Variants in CACNA1C observed in about 807,000 individuals in gnomAD.
CACNA1C encodes the protein voltage-dependent L-type calcium channel subunit alpha-1C.
In CACNA1C, 30 loss-of-function variants were observed where a neutral mutation model predicts 229.0. The ratio of observed to expected loss-of-function variants is 0.13; its 90% CI spans 0.10 to 0.18. The LOEUF is 0.18. CACNA1C is among the 10% of genes least tolerant of loss of function. CACNA1C has a pLI of 1.00. For synonymous variants in CACNA1C, 1,114 were observed against 1,132.5 expected, an observed-to-expected ratio of 0.98 and a Z score of 0.33; for missense variants, 1,658 against 2,845.0, an observed-to-expected ratio of 0.58 and a Z score of 9.49.
intron 22 of CACNA1C, 91 bp from the exon 23 acceptor site, chr12:2,604,990 A>T: frequency 1.1e-6 from 1 of 950,710 alleles, no homozygotes; most frequent in South Asian, 1.3e-5. Flanking sequence ...TTTGCCTCGG[A>T]TTCACCTGTC....
chr12:2,467,313 A>G lies in CACNA1C; in HGVS notation c.757+9607A>G, dbSNP rs773910725. ...ACTGAGCTTCCATTCTGCAGAGAGGAGCCCTGAGGCCAGAGGGCCACATGG... is the reference window on the plus strand; with the variant it reads ...ACTGAGCTTCCATTCTGCAGAGAGGGGCCCTGAGGCCAGAGGGCCACATGG... On this transcript the variant is annotated intron_variant, in intron 5 of 46. Transcript: ENST00000399655. This position sits in a 1 kb window ranked among gnomAD's most constrained non-coding sequence, Gnocchi z 4.6. Among the ~76,000 whole-genome samples, 2 of 152,092 alleles carry G rather than the reference A, an allele frequency of 1.3e-5. No homozygotes were observed. Among genetic ancestry groups the G allele is most frequent in the Non-Finnish European group, 2.9e-5 (2 of 68,006 alleles).
intron 3 of CACNA1C, among the ~76,000 whole-genome samples, chr12:2,293,222 A>G (rs1303561771): frequency 1.3e-5 from 2 of 152,338 alleles, no homozygotes; most frequent in South Asian, 2.1e-4. Flanking sequence ...AGCAAAAGAA[A>G]TGGGCTCAAC....
At position 2,605,796 on chromosome 12, in the gene CACNA1C, G is replaced by A. The variant is rs1315092311; in HGVS notation, c.3156+10G>A. ...GGTCCAGCTCTTCAAGGTAAAGTCTGGGCTCCGTTGTGGTCCTCCTACCTC... is the reference window on the plus strand; with the variant it reads ...GGTCCAGCTCTTCAAGGTAAAGTCTAGGCTCCGTTGTGGTCCTCCTACCTC... On this transcript the variant is annotated intron_variant, in intron 24 of 46. Coordinates refer to ENST00000399655, the MANE Select transcript of CACNA1C (RefSeq NM_000719.7). The surrounding 1 kb of genome is among the most constrained non-coding windows in gnomAD (Gnocchi z 6.2). 1.9e-6 allele frequency: 3 copies of A among 1,582,280 alleles called. No individual in the cohort carries two copies. The highest frequency in any genetic ancestry group is 2.7e-5 in the African/African-American group (2 of 74,360).
chr12:2,445,584 C>A (rs2099269754), intron 3 of CACNA1C, among the ~76,000 whole-genome samples: 1 of 152,086 alleles, frequency 6.6e-6, no homozygotes, highest in African/African-American at 2.4e-5. Flanking sequence ...GAAGTCACAT[C>A]CCCCAACCCT....
In CACNA1C at chr12:2,646,017, T is replaced by A. The variant is rs1569023937; in HGVS notation, c.3913-2458T>A. Among the ~76,000 whole-genome samples the A allele has an allele frequency of 6.6e-6, 1 of 152,220 alleles. No homozygotes were observed. Among genetic ancestry groups the A allele is most frequent in the Non-Finnish European group, 1.5e-5 (1 of 68,042 alleles). The stretch of plus-strand genomic sequence containing the variant: ...TACTGTCCTCATAGCTGCTCCTGAC[T>A]TTCTCTTGTCTGCCATTATAGAGAC... On this transcript the variant is annotated intron_variant, in intron 30 of 46. Transcript: ENST00000399655. This position sits in a 1 kb window ranked among gnomAD's most constrained non-coding sequence, Gnocchi z 4.6.
intron 1 of CACNA1C, among the ~76,000 whole-genome samples, chr12:2,086,659 T>G (rs1489390130): frequency 6.6e-6 from 1 of 152,212 alleles, no homozygotes; most frequent in African/African-American, 2.4e-5. Flanking sequence ...TCAGTGAGCA[T>G]GGTCCATTTC....
chr12:2,524,542 G>A (rs891813587), intron 9 of CACNA1C, among the ~76,000 whole-genome samples: 3 of 152,250 alleles, frequency 2.0e-5, no homozygotes, highest in Non-Finnish European at 2.9e-5. Flanking sequence ...AATCTCAGTT[G>A]CTTAGTACAG....
chr12:2,245,999 G>A (rs1006290397), intron 3 of CACNA1C, among the ~76,000 whole-genome samples: 4 of 152,190 alleles, frequency 2.6e-5, no homozygotes, highest in African/African-American at 9.7e-5. Context: ...TTGCTTAGTT[G>A]GAGTGAAACC....
rs1372749515 is a variant in CACNA1C at position 2,649,507 on chromosome 12, G to C, written c.3945+1000G>C. On this transcript the variant is annotated intron_variant, in intron 31 of 46. Coordinates refer to ENST00000399655, the MANE Select transcript of CACNA1C (RefSeq NM_000719.7). This position sits in a 1 kb window ranked among gnomAD's most constrained non-coding sequence, Gnocchi z 4.4. ...ACTCTGCTTCTGGGATCAGCCATCT[G>C]GATCTGCCTCCTTTTTGCATTGTTA... Among the ~76,000 whole-genome samples the C allele has an allele frequency of 3.9e-5, 6 of 152,178 alleles. No individual in the cohort carries two copies. The highest frequency in any genetic ancestry group is 1.4e-4 in the African/African-American group (6 of 41,442).
intron 3 of CACNA1C, among the ~76,000 whole-genome samples, chr12:2,220,275 A>T (rs1292790640): frequency 1.3e-5 from 2 of 152,184 alleles, no homozygotes; most frequent in African/African-American, 2.4e-5. Context: ...CAGTTTCATT[A>T]TCTGTAAGAG....
intron 34 of CACNA1C, among the ~76,000 whole-genome samples, chr12:2,661,315 A>ACACACACACACACACACACAC (rs1491547750): frequency 6.9e-6 from 1 of 144,394 alleles, no homozygotes; most frequent in Non-Finnish European, 1.5e-5. Context: ...ACACACACAC[A>ACACACACACACACACACACAC]AGATTTTTCT....
intron 1 of CACNA1C, among the ~76,000 whole-genome samples, chr12:2,077,182 G>A (rs1445904452): frequency 2.0e-5 from 3 of 152,220 alleles, no homozygotes; most frequent in Admixed American, 2.0e-4. Flanking sequence ...CAGGCATGTT[G>A]TTTAAATTTG....
chr12:2,485,995 A>G, intron 5 of CACNA1C, 109 bp from the exon 6 acceptor site: 1 of 860,048 alleles, frequency 1.2e-6, no homozygotes, highest in Non-Finnish European at 1.7e-6. Context: ...TCATCTAAAC[A>G]ACAGGGCTGG....
Position 2,675,584 on chromosome 12 carries a change from G to A in CACNA1C, c.4828+942G>A, listed in dbSNP as rs141716386. 1.6e-4 allele frequency among the ~76,000 whole-genome samples: 24 copies of A among 152,274 alleles called. No homozygotes were observed. The East Asian group carries it at 3.3e-3, about 21-fold the overall frequency. ...TCAGGAATACAGTTTTCCAAAATGCGAACCTCTCTTGGCCAAGTTTAAATA... is the reference window on the plus strand; with the variant it reads ...TCAGGAATACAGTTTTCCAAAATGCAAACCTCTCTTGGCCAAGTTTAAATA... On this transcript the variant is annotated intron_variant, in intron 39 of 46. Transcript: ENST00000399655.
At chr12:2,499,413 A>G (rs891868834) in intron 7 of CACNA1C, among the ~76,000 whole-genome samples, 1 of 152,266 alleles carries the variant, frequency 6.6e-6, no homozygotes. Context: ...GGAAAGGTAC[A>G]CACAGCTTGA....
chr12:2,295,172 TG>T (rs1261565427), intron 3 of CACNA1C, among the ~76,000 whole-genome samples: 1 of 152,170 alleles, frequency 6.6e-6, no homozygotes, highest in African/African-American at 2.4e-5. Context: ...TTGTGAAGCC[TG>T]GGCAGTGAAC....
intron 3 of CACNA1C, among the ~76,000 whole-genome samples, chr12:2,261,255 CA>C (rs1025754797): frequency 6.6e-6 from 1 of 150,938 alleles, no homozygotes; most frequent in Non-Finnish European, 1.5e-5. Flanking sequence ...AAAACAAAAA[CA>C]AAAAAAACTG....
chr12:2,311,430 C>G (rs929728848), intron 3 of CACNA1C, among the ~76,000 whole-genome samples: 1 of 152,172 alleles, frequency 6.6e-6, no homozygotes, highest in African/African-American at 2.4e-5. Context: ...AGCAGATCAA[C>G]CAGAGGATGC....
intron 3 of CACNA1C, among the ~76,000 whole-genome samples, chr12:2,185,744 T>G (rs942904243): frequency 1.3e-5 from 2 of 152,228 alleles, no homozygotes. Flanking sequence ...CTGCCCTGTC[T>G]GTGGCACTTT....
Sources: gnomAD v4.1 joint callset for allele counts (sites outside exome capture counted in the v4.1 genomes callset) on GRCh38, gnomAD v4.1.1 for gene constraint, Gnocchi (gnomAD v3.1) non-coding constraint, MANE v1.5 for transcripts, NCBI Gene and HGNC (gene_info 2026-07-23, HGNC 2026-07-21) for gene names.